HEMK2: variants seen among roughly 807,000 people sequenced by gnomAD.
HEMK2 encodes methyltransferase HEMK2.
At chr21:28,806,311 G>T in the HEMK2 span, among the ~76,000 whole-genome samples, 2 of 152,148 alleles carry the variant, frequency 1.3e-5, no homozygotes, top group African/African-American at 4.8e-5. Context: ...AATTTAATAT[G>T]CTGGTTCATG....
At chr21:28,796,422 G>A in the HEMK2 span, among the ~76,000 whole-genome samples, 1 of 152,194 alleles carries the variant, frequency 6.6e-6, no homozygotes, top group South Asian at 2.1e-4. Context: ...TTACAGGCGT[G>A]AGCCACGACA....
chr21:28,693,173 A>G, the HEMK2 span, among the ~76,000 whole-genome samples: 1 of 152,170 alleles, frequency 6.6e-6, no homozygotes, highest in African/African-American at 2.4e-5. Context: ...TCCAGTAAAA[A>G]CTTTTAAAAT....
chr21:28,599,214 T>C, the HEMK2 span, among the ~76,000 whole-genome samples: 1 of 152,164 alleles, frequency 6.6e-6, no homozygotes, highest in Non-Finnish European at 1.5e-5. Flanking sequence ...GATGGTGAAG[T>C]AGTGTTGTAT....
At chr21:28,785,351 G>T in the HEMK2 span, among the ~76,000 whole-genome samples, 17 of 152,110 alleles carry the variant, frequency 1.1e-4, no homozygotes, top group Non-Finnish European at 2.5e-4. Context: ...ATATAGTTTG[G>T]TACTTTTCAG....
the HEMK2 span, among the ~76,000 whole-genome samples, chr21:28,657,084 A>C: frequency 6.6e-6 from 1 of 152,092 alleles, no homozygotes; most frequent in Non-Finnish European, 1.5e-5. Flanking sequence ...TATTACATTC[A>C]TGTTTTCTCA....
At chr21:28,791,446 G>A in the HEMK2 span, among the ~76,000 whole-genome samples, 8 of 152,060 alleles carry the variant, frequency 5.3e-5, no homozygotes, top group South Asian at 1.7e-3. Flanking sequence ...TGAATAAAGT[G>A]GAAACAAAAA....
the HEMK2 span, among the ~76,000 whole-genome samples, chr21:28,605,809 T>C: frequency 1.4e-4 from 21 of 152,192 alleles, no homozygotes; most frequent in African/African-American, 4.8e-4. Flanking sequence ...AAATTTAATA[T>C]ACTTTATTAG....
the HEMK2 span, among the ~76,000 whole-genome samples, chr21:28,675,065 C>A: frequency 3.4e-4 from 52 of 152,274 alleles, no homozygotes; most frequent in South Asian, 0.01. Flanking sequence ...TAAGGACCTA[C>A]GGGCTAAAAC....
the HEMK2 span, among the ~76,000 whole-genome samples, chr21:28,827,330 T>C: frequency 1.3e-5 from 2 of 152,224 alleles, no homozygotes; most frequent in Non-Finnish European, 2.9e-5. Context: ...CTGTCTTTGA[T>C]ACCACAGTTA....
the HEMK2 span, among the ~76,000 whole-genome samples, chr21:28,656,899 A>T: frequency 6.6e-6 from 1 of 152,076 alleles, no homozygotes; most frequent in Non-Finnish European, 1.5e-5. Flanking sequence ...TCATTTCTTC[A>T]AGAGAAAAAT....
the HEMK2 span, among the ~76,000 whole-genome samples, chr21:28,864,869 G>GATA: frequency 2.2e-4 from 19 of 87,726 alleles, no homozygotes; most frequent in Non-Finnish European, 3.7e-4. Flanking sequence ...ATAGATAGAT[G>GATA]GATGATAGGT....
the HEMK2 span, among the ~76,000 whole-genome samples, chr21:28,594,073 G>A: frequency 6.6e-6 from 1 of 152,298 alleles, no homozygotes; most frequent in South Asian, 2.1e-4. Flanking sequence ...TTACCTCTGT[G>A]ATCTTGCTCT....
the HEMK2 span, among the ~76,000 whole-genome samples, chr21:28,854,137 G>C: frequency 2.0e-5 from 3 of 152,128 alleles, no homozygotes; most frequent in Non-Finnish European, 4.4e-5. Flanking sequence ...CCAAACTTAG[G>C]AGCAACCAAC....
At chr21:28,831,472 AAAGAAAGAAAGAAAGAAAGAAAG>A in the HEMK2 span, among the ~76,000 whole-genome samples, 112 of 37,914 alleles carry the variant, frequency 3.0e-3, 7 homozygotes, top group African/African-American at 0.014. Flanking sequence ...CGAAAGAAAG[AAAGAAAGAAAGAAAGAAAGAAAG>A]AAAGAAAGAA....
chr21:28,800,492 G>A, the HEMK2 span, among the ~76,000 whole-genome samples: 9 of 152,126 alleles, frequency 5.9e-5, no homozygotes, highest in South Asian at 4.2e-4. Context: ...AAGTGTAACT[G>A]TAAATGCATG....
chr21:28,592,014 G>A, the HEMK2 span, among the ~76,000 whole-genome samples: 12 of 152,212 alleles, frequency 7.9e-5, no homozygotes, highest in East Asian at 1.9e-3. Context: ...AGGAACATAC[G>A]CATGCATGTA....
the HEMK2 span, among the ~76,000 whole-genome samples, chr21:28,578,427 C>T: frequency 1.3e-5 from 2 of 152,172 alleles, no homozygotes; most frequent in Non-Finnish European, 2.9e-5. Flanking sequence ...ACATCCAACA[C>T]CTGAAACAGG....
chr21:28,642,019 C>T, the HEMK2 span, among the ~76,000 whole-genome samples: 1 of 152,280 alleles, frequency 6.6e-6, no homozygotes, highest in East Asian at 1.9e-4. Context: ...TTCTGAATTC[C>T]AGAGGTGGAT....
the HEMK2 span, among the ~76,000 whole-genome samples, chr21:28,582,819 A>C: frequency 6.6e-6 from 1 of 152,160 alleles, no homozygotes; most frequent in Admixed American, 6.5e-5. Flanking sequence ...TTTTTCCCTG[A>C]TGGTATAAAA....
Sources: allele counts gnomAD v4.1 joint callset (sites outside exome capture counted in the v4.1 genomes callset), GRCh38; gene constraint gnomAD v4.1.1; transcripts MANE v1.5; gene names NCBI Gene and HGNC (gene_info 2026-07-23, HGNC 2026-07-21).